Variants in SLC16A4 observed in about 807,000 individuals in gnomAD.
SLC16A4 encodes the protein probable monocarboxylate transporter 5.
In SLC16A4, 39 loss-of-function variants were observed where a neutral mutation model predicts 47.9. The ratio of observed to expected loss-of-function variants is 0.81; its 90% CI spans 0.63 to 1.06. The LOEUF (loss-of-function observed/expected upper bound fraction) is 1.06. SLC16A4 is among the 50% of genes least tolerant of loss of function. The pLI, the probability that SLC16A4 is intolerant of heterozygous loss-of-function variation, is 0.00. For synonymous variants in SLC16A4, 189 were observed against 199.9 expected (o/e 0.95, Z 0.46); for missense variants, 524 against 573.8 (o/e 0.91, Z 0.89).
At chr1:110,386,068 G>A (rs781386572) in intron 2 of SLC16A4, among the ~76,000 whole-genome samples, 20 of 152,198 alleles carry the variant, frequency 1.3e-4, no homozygotes, top group Non-Finnish European at 2.9e-4. Flanking sequence ...TCTAGAGGAT[G>A]TTGACCTCTA....
intron 8 of SLC16A4, among the ~76,000 whole-genome samples, chr1:110,367,885 G>T (rs1661476863): frequency 6.6e-6 from 1 of 152,126 alleles, no homozygotes; most frequent in Admixed American, 6.5e-5. Context: ...CTGGAGTGCA[G>T]TGGCGCAATC....
chr1:110,363,837 A>G lies in SLC16A4; in HGVS notation c.1393T>C (p.Cys465Arg). ...YNGSFYFSGI[C>R]YLLSSVSFFF... is the part of the protein sequence containing the mutation. ...AAGGAAACTGAAGAGAGGAGATAGCATATGCCAGAGAAGTAGAAAGAGCCA... is the reference window on the plus strand; with the variant it reads ...AAGGAAACTGAAGAGAGGAGATAGCGTATGCCAGAGAAGTAGAAAGAGCCA... Residue 465 changes from cysteine to arginine, a missense_variant, in exon 9 of 9, where the codon TGC (cysteine) becomes CGC (arginine). Transcript: ENST00000369779. 1.2e-6 allele frequency: 2 copies of G among 1,613,378 alleles called. No individual in the cohort carries two copies. Among genetic ancestry groups the G allele is most frequent in the Non-Finnish European group, 1.7e-6 (2 of 1,179,686 alleles).
At chr1:110,379,390 C>T (rs1662224543) in intron 5 of SLC16A4, 34 bp from the exon 6 acceptor site, 3 of 1,555,836 alleles carry the variant, frequency 1.9e-6, no homozygotes, top group Non-Finnish European at 2.6e-6. Flanking sequence ...TTAAAAATAG[C>T]CTTTCAGTTC....
At position 110,378,931 on chromosome 1, in the gene SLC16A4, G is replaced by A. The variant is rs1243400554; in HGVS notation, c.952C>T (p.Pro318Ser). 10 of 1,614,008 alleles carry A rather than the reference G, an allele frequency of 6.2e-6. No homozygotes were observed. Among genetic ancestry groups the A allele is most frequent in the Non-Finnish European group, 8.5e-6 (10 of 1,180,020 alleles). The change falls in exon 6 of 9, where the codon CCT becomes TCT. Residue 318 changes from proline (P) to serine (S), a missense_variant. Transcript: ENST00000369779. Reference protein sequence around the residue: ...FLLSQLAYFIPTFHLVARAKT... With the variant: ...FLLSQLAYFISTFHLVARAKT... ...GCTCTGGCTACCAGGTGAAAGGTAG[G>A]GATGAAGTATGCTAACTGACTGAGG...
rs776840758 is a variant in SLC16A4 at position 110,378,945 on chromosome 1, AACTG to A, written c.934_937del (p.Gln312Ter). On this transcript the variant is annotated frameshift_variant, in exon 6 of 9. Transcript: ENST00000369779. LOFTEE classifies it high-confidence loss of function. ...GTGAAAGGTAGGGATGAAGTATGCT[AACTG>A]ACTGAGGAGAAAAGACCAAGTAAAT... 5.0e-6 allele frequency: 8 copies of A among 1,614,216 alleles called. No individual in the cohort carries two copies. Among genetic ancestry groups the A allele is most frequent in the South Asian group, 2.2e-5 (2 of 91,090 alleles).
chr1:110,363,861 C>A lies in SLC16A4; in HGVS notation c.1369G>T (p.Gly457Cys), dbSNP rs1412190446. ...WLYDYTQTYN[G>C]SFYFSGICYL... is the part of the protein sequence containing the mutation. The stretch of plus-strand genomic sequence containing the variant: ...CATATGCCAGAGAAGTAGAAAGAGC[C>A]ATTGTATGTCTGGGTATAATCATAT... Residue 457 changes from glycine to cysteine, a missense_variant, in exon 9 of 9, where the codon GGC becomes TGC. By Grantham distance (159) the Gly-to-Cys change is radical (BLOSUM62 -3). Coordinates refer to ENST00000369779, the MANE Select transcript of SLC16A4 (RefSeq NM_004696.3). The A allele has an allele frequency of 7.4e-6, 12 of 1,612,672 alleles. No individual in the cohort carries two copies. The highest frequency in any genetic ancestry group is 1.0e-5 in the Non-Finnish European group (12 of 1,179,464).
intron 8 of SLC16A4, among the ~76,000 whole-genome samples, chr1:110,368,340 C>T (rs185891850): frequency 3.4e-4 from 52 of 152,274 alleles, no homozygotes; most frequent in African/African-American, 1.2e-3. Context: ...CACTCTATGC[C>T]TGGTATTACT....
intron 2 of SLC16A4, among the ~76,000 whole-genome samples, chr1:110,387,242 A>G (rs1392627941): frequency 6.6e-6 from 1 of 152,204 alleles, no homozygotes; most frequent in East Asian, 1.9e-4. Flanking sequence ...CAATGCAGAC[A>G]TAGACCCTGC....
intron 8 of SLC16A4, among the ~76,000 whole-genome samples, chr1:110,373,339 G>T (rs987155476): frequency 3.3e-5 from 5 of 152,114 alleles, no homozygotes; most frequent in African/African-American, 1.2e-4. Flanking sequence ...CAATGAAGAA[G>T]GATCAAGATT....
At chr1:110,388,773 C>T (rs1272486489) in intron 2 of SLC16A4, among the ~76,000 whole-genome samples, 2 of 152,200 alleles carry the variant, frequency 1.3e-5, no homozygotes, top group East Asian at 1.9e-4. Context: ...TGCAGTGGCA[C>T]GATCTTGGCT....
At position 110,381,048 on chromosome 1, in the gene SLC16A4, C is replaced by T. The variant is rs1296557929; in HGVS notation, c.460G>A (p.Gly154Arg). The part of the protein sequence containing the change: ...LALSTAIARS[G>R]MGLTFLLAPF... ...GCCAAAAGAAAAGTCAGTCCCATCC[C>T]AGAACGGGCAATAGCTGTAGAAAGA... The change falls in exon 5 of 9, where the codon GGG becomes AGG. Residue 154 changes from glycine (G) to arginine (R), a missense_variant. Physicochemically the swap from Gly to Arg is moderately radical, Grantham distance 125. Coordinates refer to ENST00000369779, the MANE Select transcript of SLC16A4 (RefSeq NM_004696.3). The T allele has an allele frequency of 7.4e-6, 12 of 1,613,992 alleles. No individual in the cohort carries two copies. Among genetic ancestry groups the T allele is most frequent in the Non-Finnish European group, 1.0e-5 (12 of 1,179,994 alleles).
At position 110,363,013 on chromosome 1, in the gene SLC16A4, T is replaced by C. The variant is rs1369491635; in HGVS notation, c.*753A>G. ...CTTTAATCAATAAACAAAGATAAAC[T>C]TTTGGAGGGAGCATATACCATTCCA... On this transcript the variant is annotated 3_prime_UTR_variant, in exon 9 of 9. Coordinates refer to ENST00000369779, the MANE Select transcript of SLC16A4 (RefSeq NM_004696.3). The C allele has an allele frequency of 2.0e-5, 3 of 152,100 alleles. No individual in the cohort carries two copies. The highest frequency in any genetic ancestry group is 4.4e-5 in the Non-Finnish European group (3 of 67,998). The allele number at this position is 152,100 out of a possible 1,614,324, so 9.4% of individuals were successfully genotyped here.
intron 2 of SLC16A4, among the ~76,000 whole-genome samples, chr1:110,387,456 C>T (rs1409808125): frequency 6.6e-6 from 1 of 152,224 alleles, no homozygotes; most frequent in Admixed American, 6.5e-5. Context: ...AACAAAAGCA[C>T]AGTCATTCAA....
intron 8 of SLC16A4, chr1:110,372,889 T>C (rs1359305692): frequency 6.6e-6 from 1 of 152,254 alleles, no homozygotes; most frequent in African/African-American, 2.4e-5. Context: ...CAAAAGCTTG[T>C]TAACTTTTTT....
At chr1:110,377,518 G>A (rs1429090010) in intron 6 of SLC16A4, among the ~76,000 whole-genome samples, 1 of 152,194 alleles carries the variant, frequency 6.6e-6, no homozygotes, top group East Asian at 1.9e-4. Context: ...GTGAGAAAAT[G>A]AAGTTTCTAA....
rs1205240596 is a variant in SLC16A4, at chr1:110,389,168, A to G, written c.87+69T>C. ...TTCCTAAGTGATCCTATTCGTAGGC[A>G]GCTCTGAGCCTTTCTCCAGAAAGCC... On this transcript the variant is annotated intron_variant, in intron 2 of 8. Coordinates refer to ENST00000369779, the MANE Select transcript of SLC16A4 (RefSeq NM_004696.3). 4.8e-6 allele frequency: 6 copies of G among 1,242,970 alleles called. No individual in the cohort carries two copies. The African/African-American group carries it at 8.9e-5, about 18-fold the overall frequency. The allele number at this position is 1,242,970 out of a possible 1,614,324, so 77.0% of individuals were successfully genotyped here.
At chr1:110,381,279 C>A in intron 4 of SLC16A4, 136 bp from the exon 5 acceptor site, 2 of 700,380 alleles carry the variant, frequency 2.9e-6, no homozygotes, top group East Asian at 2.7e-5. Context: ...GAGTCCTGTT[C>A]CATCTTCTAT....
intron 8 of SLC16A4, among the ~76,000 whole-genome samples, chr1:110,364,623 G>A (rs1417563268): frequency 1.3e-5 from 2 of 148,250 alleles, no homozygotes; most frequent in Non-Finnish European, 3.0e-5. Context: ...CAGTTCTCCT[G>A]CCTCAGCCTC....
chr1:110,366,159 CT>C (rs902008865), intron 8 of SLC16A4, among the ~76,000 whole-genome samples: 7 of 122,778 alleles, frequency 5.7e-5, no homozygotes, highest in Middle Eastern at 4.1e-3. Context: ...CACTCACTCA[CT>C]TTTTTTTTTG....
Sources: allele counts gnomAD v4.1 joint callset (sites outside exome capture counted in the v4.1 genomes callset), GRCh38; gene constraint gnomAD v4.1.1; transcripts MANE v1.5; gene names NCBI Gene and HGNC (gene_info 2026-07-23, HGNC 2026-07-21).